ATP6V1C2: variants seen among roughly 807,000 people sequenced by gnomAD.
The protein encoded by ATP6V1C2 is V-type proton ATPase subunit C 2.
In ATP6V1C2, 45 loss-of-function variants were observed where a neutral mutation model predicts 56.8. The observed-to-expected ratio is 0.79, with a 90% confidence interval of 0.62 to 1.02. The LOEUF (loss-of-function observed/expected upper bound fraction) is 1.02, where lower values mean the gene tolerates loss of function less well. Among genes scored for constraint, ATP6V1C2 ranks in the 50% least tolerant of loss-of-function variants. The probability of loss-of-function intolerance (pLI) is 0.00; values close to 1 mark genes in which losing one functional copy is unlikely to be tolerated. For synonymous variants in ATP6V1C2, 220 were observed against 201.3 expected, an observed-to-expected ratio of 1.09 and a Z score of -0.79; for missense variants, 463 against 519.7, an observed-to-expected ratio of 0.89 and a Z score of 1.06.
Position 10,753,969 on chromosome 2 carries a change from C to T in ATP6V1C2, c.198-12C>T, listed in dbSNP as rs746731784. ...CCTACTCTAACCGGCTCTTTTTCTT[C>T]TCTCTCCAAAGCCTCATAAGGAGAA... On this transcript the variant is annotated splice_polypyrimidine_tract_variant and intron_variant, in intron 3 of 13. Transcript: ENST00000272238. The T allele has an allele frequency of 1.3e-6, 2 of 1,594,644 alleles. No homozygotes were observed. The highest frequency in any genetic ancestry group is 1.1e-5 in the South Asian group (1 of 88,280).
At position 10,780,029 on chromosome 2, in the gene ATP6V1C2, G is replaced by A. The variant is rs938807039; in HGVS notation, c.1061+1360G>A. ...CCTGAGACCCTCTGTGTGACCTTCC[G>A]GACCCCTTCCCCGCCTGCACTGAGG... is the stretch of plus-strand genomic sequence containing the variant. On this transcript the variant is annotated intron_variant, in intron 12 of 13. Coordinates refer to ENST00000272238, the MANE Select transcript of ATP6V1C2 (RefSeq NM_001039362.2). This position sits in a 1 kb window ranked among gnomAD's most constrained non-coding sequence, Gnocchi z 4.1. 3.9e-5 allele frequency among the ~76,000 whole-genome samples: 6 copies of A among 152,132 alleles called. No homozygotes were observed. The highest frequency in any genetic ancestry group is 1.9e-4 in the East Asian group (1 of 5,156).
intron 5 of ATP6V1C2, among the ~76,000 whole-genome samples, chr2:10,764,888 T>C (rs1664130841): frequency 1.3e-5 from 2 of 152,000 alleles, no homozygotes; most frequent in African/African-American, 4.8e-5. Flanking sequence ...GGAGAATCAC[T>C]TGAACCCGGG....
intron 3 of ATP6V1C2, among the ~76,000 whole-genome samples, chr2:10,743,759 T>A (rs952662420): frequency 6.6e-6 from 1 of 151,598 alleles, no homozygotes; most frequent in African/African-American, 2.4e-5. Context: ...CCGAGGTGGG[T>A]GGATCACTTG....
At chr2:10,721,060 G>C (rs550684564), upstream of ATP6V1C2, 1 of 152,518 alleles carries the variant, frequency 6.6e-6, no homozygotes, top group African/African-American at 2.4e-5. Flanking sequence ...GAGAGGGTGA[G>C]GTGGGAGTTT....
intron 4 of ATP6V1C2, among the ~76,000 whole-genome samples, chr2:10,759,196 T>C (rs1359301133): frequency 1.3e-5 from 2 of 152,208 alleles, no homozygotes; most frequent in Non-Finnish European, 2.9e-5. Context: ...CAACTGTAGA[T>C]GGACTGAATG....
chr2:10,769,089 C>G (rs1026995403), intron 6 of ATP6V1C2, among the ~76,000 whole-genome samples: 1 of 152,238 alleles, frequency 6.6e-6, no homozygotes, highest in East Asian at 1.9e-4. Context: ...CTCCAGGGCG[C>G]CTGGGTGCTG....
intron 3 of ATP6V1C2, among the ~76,000 whole-genome samples, chr2:10,743,621 A>G (rs1662683101): frequency 6.6e-6 from 1 of 151,604 alleles, no homozygotes; most frequent in African/African-American, 2.4e-5. Context: ...AGGCAGAAGG[A>G]TGGCTTGAGC....
intron 3 of ATP6V1C2, among the ~76,000 whole-genome samples, chr2:10,734,776 T>C (rs1350968075): frequency 6.6e-6 from 1 of 152,118 alleles, no homozygotes; most frequent in Non-Finnish European, 1.5e-5. Context: ...GACCAGAAAA[T>C]GGCCTTTTTC....
chr2:10,784,987 C>G lies in ATP6V1C2; in HGVS notation c.*1724C>G, dbSNP rs368202472. Reference sequence around the variant, plus strand: ...CTCTCAACGATGGTAGGGAAAGCCCCGCCTCCTACAGGTGCCGTGGAGCCA... The same window carrying G: ...CTCTCAACGATGGTAGGGAAAGCCCGGCCTCCTACAGGTGCCGTGGAGCCA... On this transcript the variant is annotated 3_prime_UTR_variant, in exon 14 of 14. Coordinates refer to ENST00000272238, the MANE Select transcript of ATP6V1C2 (RefSeq NM_001039362.2). 1.4e-5 allele frequency: 22 copies of G among 1,589,818 alleles called. No individual in the cohort carries two copies. Among genetic ancestry groups the G allele is most frequent in the Non-Finnish European group, 1.8e-5 (21 of 1,166,882 alleles).
intron 12 of ATP6V1C2, among the ~76,000 whole-genome samples, chr2:10,779,848 G>A (rs1265500689): frequency 6.6e-6 from 1 of 152,106 alleles, no homozygotes; most frequent in African/African-American, 2.4e-5. Flanking sequence ...GTTTTTTTAT[G>A]AATAGATACG....
chr2:10,758,598 TAAAAC>T lies in ATP6V1C2; in HGVS notation c.283+4554_283+4558del, dbSNP rs558705642. Among the ~76,000 whole-genome samples, 691 of 151,744 alleles carry T rather than the reference TAAAAC, an allele frequency of 4.6e-3. 5 individuals are homozygous for T. Among genetic ancestry groups the T allele is most frequent in the African/African-American group, 0.016 (648 of 41,362 alleles). On this transcript the variant is annotated intron_variant, in intron 4 of 13. Coordinates refer to ENST00000272238, the MANE Select transcript of ATP6V1C2 (RefSeq NM_001039362.2). ...GACAACATAGCAAGACCTTGTCTCT[TAAAAC>T]AAAACAAAACAAAACAAAACACAGC...
At chr2:10,727,997 T>G (rs1392091682) in intron 3 of ATP6V1C2, among the ~76,000 whole-genome samples, 1 of 152,212 alleles carries the variant, frequency 6.6e-6, no homozygotes, top group African/African-American at 2.4e-5. Context: ...TCCTATAACT[T>G]TCTAGGTAAG....
intron 4 of ATP6V1C2, among the ~76,000 whole-genome samples, chr2:10,758,737 A>G (rs1474857035): frequency 2.0e-5 from 3 of 149,988 alleles, no homozygotes; most frequent in Non-Finnish European, 4.4e-5. Flanking sequence ...ATCTCGGCAC[A>G]CTGCAACCTC....
At chr2:10,777,407 A>G (rs1283031476) in intron 10 of ATP6V1C2, among the ~76,000 whole-genome samples, 178 bp from the exon 11 acceptor site, 1 of 152,090 alleles carries the variant, frequency 6.6e-6, no homozygotes, top group African/African-American at 2.4e-5. Context: ...CTCTGCCTTC[A>G]CCACTCCAGG....
chr2:10,722,502 T>C (rs1324578149), intron 1 of ATP6V1C2, among the ~76,000 whole-genome samples: 1 of 152,082 alleles, frequency 6.6e-6, no homozygotes, highest in Non-Finnish European at 1.5e-5. Context: ...CCAGAAGGTG[T>C]CCGCCTCCAG....
intron 11 of ATP6V1C2, among the ~76,000 whole-genome samples, 163 bp downstream of exon 11, chr2:10,777,885 G>T (rs1457271005): frequency 6.6e-6 from 1 of 152,206 alleles, no homozygotes; most frequent in African/African-American, 2.4e-5. Context: ...AATCTGCAGG[G>T]CCTCTTTGGA....
chr2:10,747,747 C>G (rs1295034915), intron 3 of ATP6V1C2, among the ~76,000 whole-genome samples: 2 of 151,878 alleles, frequency 1.3e-5, no homozygotes, highest in Non-Finnish European at 2.9e-5. Flanking sequence ...GTCATATTTT[C>G]TCAGATAATA....
intron 5 of ATP6V1C2, among the ~76,000 whole-genome samples, chr2:10,766,624 A>G (rs1294975530): frequency 2.0e-5 from 3 of 152,212 alleles, no homozygotes; most frequent in Non-Finnish European, 4.4e-5. Context: ...TTATTTTAAA[A>G]AGCAAGATCT....
intron 4 of ATP6V1C2, among the ~76,000 whole-genome samples, chr2:10,758,047 A>T (rs776689958): frequency 3.9e-5 from 6 of 152,180 alleles, no homozygotes; most frequent in Non-Finnish European, 5.9e-5. Flanking sequence ...CAGTTATCAA[A>T]TGCCTTCCCA....
Sources: gnomAD v4.1 joint callset for allele counts (sites outside exome capture counted in the v4.1 genomes callset) on GRCh38, gnomAD v4.1.1 for gene constraint, Gnocchi (gnomAD v3.1) non-coding constraint, MANE v1.5 for transcripts, NCBI Gene and HGNC (gene_info 2026-07-23, HGNC 2026-07-21) for gene names.